PLCH2: variants seen among roughly 807,000 people sequenced by gnomAD.
PLCH2 encodes 1-phosphatidylinositol 4,5-bisphosphate phosphodiesterase eta-2.
In PLCH2, 98 loss-of-function variants were observed where a neutral mutation model predicts 134.7. That is an observed-to-expected ratio of 0.73 (90% CI 0.62 to 0.86). PLCH2 has a LOEUF of 0.86. Ranked by LOEUF, PLCH2 falls within the 40% of genes least tolerant of loss-of-function variation. PLCH2 has a pLI of 0.00. For synonymous variants in PLCH2, 974 were observed against 827.5 expected (o/e 1.18, Z -3.04); for missense variants, 1,994 against 1,986.6 (o/e 1.00, Z -0.07).
intron 2 of PLCH2, among the ~76,000 whole-genome samples, chr1:2,451,966 A>G (rs1640255340): frequency 6.6e-6 from 1 of 152,210 alleles, no homozygotes; most frequent in South Asian, 2.1e-4. Context: ...ATCCTTCAGA[A>G]ATGCCAACCC....
chr1:2,467,461 C>T (rs996384974), exon 1 of PLCH2: 3 of 379,282 alleles, frequency 7.9e-6, no homozygotes, highest in Middle Eastern at 6.7e-4. Context: ...ACCTTCCTCA[C>T]GGGCGGGCGC....
chr1:2,429,871 T>TG (rs962419455), intron 1 of PLCH2, among the ~76,000 whole-genome samples: 7 of 152,012 alleles, frequency 4.6e-5, no homozygotes, highest in Admixed American at 2.6e-4. Flanking sequence ...CAGGAGGGGC[T>TG]GGGGGGGCCG....
At chr1:2,445,095 T>C (rs942502732) in intron 2 of PLCH2, among the ~76,000 whole-genome samples, 18 of 151,992 alleles carry the variant, frequency 1.2e-4, no homozygotes, top group African/African-American at 4.4e-4. Context: ...GTCTCTAAAT[T>C]GGCCCCCACT....
In PLCH2 at chr1:2,495,461, C is replaced by T. The variant is rs1001082471; in HGVS notation, c.1753-27C>T. The T allele has an allele frequency of 3.9e-6, 6 of 1,546,662 alleles. No homozygotes were observed. The African/African-American group carries it at 4.1e-5, about 11-fold the overall frequency. On this transcript the variant is annotated intron_variant, in intron 12 of 21. Transcript: ENST00000378486. ...GGCCTGGCCTGGGCCAGAGGCCCTA[C>T]AGCTCACACCTCTGCCCCCCGCACA...
chr1:2,484,451 G>T lies in PLCH2; in HGVS notation c.649G>T (p.Ala217Ser). 1.2e-6 allele frequency: 2 copies of T among 1,613,128 alleles called. No individual in the cohort carries two copies. The highest frequency in any genetic ancestry group is 1.7e-6 in the Non-Finnish European group (2 of 1,179,696). Reference protein sequence around the residue: ...RQRVKQMFREADTDDHQGTLG... With the variant: ...RQRVKQMFRESDTDDHQGTLG... ...GACCCAAGGCCTTGCATTGCAGGAA[G>T]CGGACACGGATGACCACCAAGGGAC... The change falls in exon 5 of 22, where the codon GCG becomes TCG. Residue 217 changes from alanine (A) to serine (S), a missense_variant. Ala to Ser is a moderately conservative substitution (Grantham distance 99). This residue lies in a region of PLCH2 where 1,094 missense variants were observed against 1,234.3 expected (regional missense o/e 0.89). Coordinates refer to ENST00000378486, the MANE Select transcript of PLCH2 (RefSeq NM_014638.4).
At chr1:2,467,490 GC>G (rs1641118372) in exon 1 of PLCH2, 1 of 395,772 alleles carries the variant, frequency 2.5e-6, no homozygotes, top group Admixed American at 4.4e-5. Context: ...AGCGTGTGGG[GC>G]TGCGATCGGC....
At chr1:2,426,202 G>A (rs1311719865) in intron 1 of PLCH2, among the ~76,000 whole-genome samples, 2 of 152,206 alleles carry the variant, frequency 1.3e-5, no homozygotes, top group African/African-American at 4.8e-5. Context: ...GTCAGCGCGG[G>A]GAAGGGACAC....
chr1:2,448,336 G>T lies in PLCH2; in HGVS notation c.115+17707G>T, dbSNP rs554863071. 6.6e-6 allele frequency among the ~76,000 whole-genome samples: 1 copy of T among 152,114 alleles called. No homozygotes were observed. The highest frequency in any genetic ancestry group is 1.5e-5 in the Non-Finnish European group (1 of 68,002). On this transcript the variant is annotated intron_variant, in intron 2 of 3. Coordinates refer to the PLCH2 transcript ENST00000609981. This position sits in a 1 kb window ranked among gnomAD's most constrained non-coding sequence, Gnocchi z 4.0. ...CGCTCCCTCTGCAGGCTCCCCGGGA[G>T]GAACTTCCTGGCCTCCTCCAGCTTC...
In PLCH2 at chr1:2,505,280, G is replaced by A. The variant is rs1302413783; in HGVS notation, c.*67G>A. 7 of 1,294,274 alleles carry A rather than the reference G, an allele frequency of 5.4e-6. No individual in the cohort carries two copies. The highest frequency in any genetic ancestry group is 2.2e-5 in the Admixed American group (1 of 44,560). The allele number at this position is 1,294,274 out of a possible 1,614,324, so 80.2% of individuals were successfully genotyped here. A position where few individuals can be genotyped will look rare whatever the true frequency, so the allele number is the denominator to read the frequency against. On this transcript the variant is annotated 3_prime_UTR_variant, in exon 22 of 22. Transcript: ENST00000378486. ...CAGGGGTGGGCGTGTTGTTTGCTCAGGAAACAGGGCAGCCAGGCCCCCAAA... is the reference window on the plus strand; with the variant it reads ...CAGGGGTGGGCGTGTTGTTTGCTCAAGAAACAGGGCAGCCAGGCCCCCAAA...
At chr1:2,428,349 T>C (rs889557830) in intron 1 of PLCH2, among the ~76,000 whole-genome samples, 1 of 152,222 alleles carries the variant, frequency 6.6e-6, no homozygotes, top group African/African-American at 2.4e-5. Flanking sequence ...TCCTCTGACC[T>C]GTAGGCCCTC....
At chr1:2,447,608 G>A (rs569236480) in intron 2 of PLCH2, among the ~76,000 whole-genome samples, 2 of 152,244 alleles carry the variant, frequency 1.3e-5, no homozygotes, top group African/African-American at 4.8e-5. Context: ...ACCCTGGAGA[G>A]ACTGGAAGGC....
chr1:2,476,644 T>G lies in PLCH2; in HGVS notation c.56T>G (p.Leu19Arg). The change falls in exon 1 of 22, where the codon CTG becomes CGG. Residue 19 changes from leucine to arginine, a missense_variant. Transcript: ENST00000378486. ...CGGACCAAGGGAACGGTGGCCTGGC[T>G]GGCGGAGGTACTCCTCTGGGTTGGA... The part of the protein sequence containing the change: ...DSRTKGTVAW[L>R]AEVLLWVGGS... 3 of 1,607,528 alleles carry G rather than the reference T, an allele frequency of 1.9e-6. No homozygotes were observed. Among genetic ancestry groups the G allele is most frequent in the Non-Finnish European group, 1.7e-6 (2 of 1,178,044 alleles).
chr1:2,436,546 C>CCT lies in PLCH2; in HGVS notation c.115+5918_115+5919insTC, dbSNP rs1327311310. ...CCTCCTTTCCTCCTTCCTCCCTCCT[C>CCT]CCTTCCTCCCTCCACCTTTCCTCCT... On this transcript the variant is annotated intron_variant, in intron 2 of 3. Coordinates refer to the PLCH2 transcript ENST00000609981. Among the ~76,000 whole-genome samples the CCT allele has an allele frequency of 4.8e-3, 124 of 25,600 alleles. 23 individuals are homozygous for CCT. The Middle Eastern group carries it at 0.05, about 10-fold the overall frequency. 16.8% of individuals were successfully genotyped at this position (25,600 alleles called of 152,430 possible).
Position 2,480,220 on chromosome 1 carries a change from G to A in PLCH2, c.553G>A (p.Gly185Arg), listed in dbSNP as rs370344110. ...KQTFDEADKN[G>R]DGSLSIGEVL... ...GACGTTTGACGAGGCCGACAAGAAC[G>A]GGGATGGCAGCCTGAGCATTGGCGA... is the stretch of plus-strand genomic sequence containing the variant. Residue 185 changes from glycine to arginine, a missense_variant, in exon 4 of 22, where the codon GGG becomes AGG. Gly to Arg is a moderately radical substitution (Grantham distance 125). Coordinates refer to ENST00000378486, the MANE Select transcript of PLCH2 (RefSeq NM_014638.4). 5.6e-5 allele frequency: 90 copies of A among 1,612,784 alleles called. No individual in the cohort carries two copies. The highest frequency in any genetic ancestry group is 6.7e-5 in the African/African-American group (5 of 74,942).
At chr1:2,465,119 C>T (rs1640995182), upstream of PLCH2, among the ~76,000 whole-genome samples, 1 of 152,164 alleles carries the variant, frequency 6.6e-6, no homozygotes, top group Non-Finnish European at 1.5e-5. Flanking sequence ...ACCTACAGGC[C>T]TAGCTGAGAA....
At chr1:2,481,581 G>A (rs1483971323) in intron 4 of PLCH2, among the ~76,000 whole-genome samples, 4 of 152,250 alleles carry the variant, frequency 2.6e-5, no homozygotes, top group Admixed American at 6.5e-5. Flanking sequence ...ACGAGTGTGC[G>A]TGGTTTCTGG....
the PLCH2 span, among the ~76,000 whole-genome samples, chr1:2,419,991 G>A: frequency 2.5e-3 from 81 of 32,972 alleles, 2 homozygotes; most frequent in East Asian, 0.04. Flanking sequence ...CAACCCCTTT[G>A]TGCGCTCCCC....
upstream of PLCH2, among the ~76,000 whole-genome samples, chr1:2,423,153 G>T (rs1004131045): frequency 1.4e-4 from 21 of 151,180 alleles, no homozygotes; most frequent in South Asian, 2.1e-4. Context: ...GTTTTGGAGA[G>T]GGTTTTATTT....
rs910288625 is a variant in PLCH2 at position 2,427,325 on chromosome 1, C to T, written c.-178+1288C>T. Among the ~76,000 whole-genome samples, 9 of 152,114 alleles carry T rather than the reference C, an allele frequency of 5.9e-5. No homozygotes were observed. The South Asian group carries it at 6.2e-4, about 10-fold the overall frequency. On this transcript the variant is annotated intron_variant, in intron 1 of 3. Coordinates refer to the PLCH2 transcript ENST00000609981. ...TGGGTCTCTCGTGGGGGCCCGGGGC[C>T]GCAGGTCTGGGACGAGTCAGGTGCT...
Sources: gnomAD v4.1 joint callset for allele counts (sites outside exome capture counted in the v4.1 genomes callset) on GRCh38, gnomAD v4.1.1 for gene constraint, gnomAD v4.1.1 regional missense constraint, Gnocchi (gnomAD v3.1) non-coding constraint, MANE v1.5 for transcripts, NCBI Gene and HGNC (gene_info 2026-07-23, HGNC 2026-07-21) for gene names.